The following CTSC variants were observed in gnomAD, a reference collection of about 807,000 sequenced individuals.
CTSC encodes dipeptidyl peptidase 1.
A neutral mutation model predicts 40.9 loss-of-function variants in CTSC; 37 were observed. That is an observed-to-expected ratio of 0.91 (90% CI 0.70 to 1.19). The LOEUF is 1.19. Among genes scored for constraint, CTSC ranks in the 50% most tolerant of loss-of-function variants. CTSC has a pLI of 0.00. For missense variants in CTSC, 594 were observed against 567.3 expected (o/e 1.05, Z -0.48); for synonymous variants, 232 against 207.4 (o/e 1.12, Z -1.02).
At chr11:88,325,254 T>A in intron 2 of CTSC, 1 of 985,376 alleles carries the variant, frequency 1.0e-6, no homozygotes, top group Non-Finnish European at 1.2e-6. Context: ...TTCTACCAAT[T>A]TCCAAACTAC....
chr11:88,330,179 G>A (rs891816517), intron 2 of CTSC, among the ~76,000 whole-genome samples: 1 of 152,150 alleles, frequency 6.6e-6, no homozygotes, highest in Non-Finnish European at 1.5e-5. Context: ...GAATTTGAAT[G>A]CCTCTAAGAC....
chr11:88,307,556 CTTTTTTTTTTTT>C (rs5793311), intron 4 of CTSC, among the ~76,000 whole-genome samples: 1 of 73,490 alleles, frequency 1.4e-5, no homozygotes, highest in African/African-American at 5.7e-5. Context: ...ATACTGATAA[CTTTTTTTTTTTT>C]TTTTTTTTTT....
Position 88,294,273 on chromosome 11 carries a change from T to C in CTSC, c.1125A>G (p.Glu375=), listed in dbSNP as rs370050417. The change falls in exon 7 of 7, where the codon GAA becomes GAG. Residue 375 remains glutamate (E), a synonymous_variant. Transcript: ENST00000227266. ...TGTAGTGGAGGAAGTCATCATATACTTCAAAAGCAACTGCCATGGGCCCAT... is the reference window on the plus strand; with the variant it reads ...TGTAGTGGAGGAAGTCATCATATACCTCAAAAGCAACTGCCATGGGCCCAT... ...VHHGPMAVAF[E]VYDDFLHYKK... The C allele has an allele frequency of 6.8e-6, 11 of 1,613,980 alleles. No homozygotes were observed. Among genetic ancestry groups the C allele is most frequent in the Middle Eastern group, 1.6e-4 (1 of 6,082 alleles).
At position 88,337,618 on chromosome 11, in the gene CTSC, C is replaced by CGCCGGAGAGAAGCAGCAGGAGG; in HGVS notation, c.33_54dup (p.Asp19ProfsTer23). The CGCCGGAGAGAAGCAGCAGGAGG allele has an allele frequency of 6.3e-7, 1 of 1,582,406 alleles. No homozygotes were observed. Among genetic ancestry groups the CGCCGGAGAGAAGCAGCAGGAGG allele is most frequent in the Non-Finnish European group, 8.6e-7 (1 of 1,163,716 alleles). On this transcript the variant is annotated frameshift_variant, in exon 1 of 7. Coordinates refer to ENST00000227266, the MANE Select transcript of CTSC (RefSeq NM_001814.6). LOFTEE classifies it high-confidence loss of function. ...GGTGTGTCGCAGCGCACGGCGCCGT[C>CGCCGGAGAGAAGCAGCAGGAGG]GCCGGAGAGAAGCAGCAGGAGGGCG... is the stretch of plus-strand genomic sequence containing the variant.
Position 88,293,977 on chromosome 11 carries a change from G to C in CTSC, c.*29C>G. 1 of 1,612,050 alleles carries C rather than the reference G, an allele frequency of 6.2e-7. No homozygotes were observed. Among genetic ancestry groups the C allele is most frequent in the Non-Finnish European group, 8.5e-7 (1 of 1,179,322 alleles). The stretch of plus-strand genomic sequence containing the variant: ...CCAATTCCCCTTTACAACTGATGCA[G>C]ATCATTATGAAATACTGGAAGGCAT... On this transcript the variant is annotated 3_prime_UTR_variant, in exon 7 of 7. Transcript: ENST00000227266.
chr11:88,319,747 A>G (rs1937955565), intron 2 of CTSC, among the ~76,000 whole-genome samples: 1 of 152,162 alleles, frequency 6.6e-6, no homozygotes, highest in Non-Finnish European at 1.5e-5. Flanking sequence ...TAATTTTCAA[A>G]ATGTACCTAT....
intron 1 of CTSC, among the ~76,000 whole-genome samples, 165 bp downstream of exon 1, chr11:88,337,336 C>T (rs1417087747): frequency 6.6e-6 from 1 of 152,156 alleles, no homozygotes; most frequent in Non-Finnish European, 1.5e-5. Flanking sequence ...TTTAACTTCG[C>T]GAGCCTGGCG....
Position 88,294,007 on chromosome 11 carries a change from T to TAC in CTSC, c.1389_1390dup (p.Ter464CysfsTer16). The TAC allele has an allele frequency of 1.9e-6, 3 of 1,613,984 alleles. No homozygotes were observed. Among genetic ancestry groups the TAC allele is most frequent in the Non-Finnish European group, 2.5e-6 (3 of 1,179,980 alleles). ...TTATGAAATACTGGAAGGCATACCC[T>TAC]ACAATTTAGGAATTGGTGTGGCTGC... On this transcript the variant is annotated frameshift_variant and stop_lost, in exon 7 of 7. Coordinates refer to ENST00000227266, the MANE Select transcript of CTSC (RefSeq NM_001814.6). LOFTEE classifies it high-confidence loss of function.
At chr11:88,327,552 G>GTA (rs1248698344) in intron 2 of CTSC, among the ~76,000 whole-genome samples, 1 of 152,182 alleles carries the variant, frequency 6.6e-6, no homozygotes, top group Non-Finnish European at 1.5e-5. Flanking sequence ...AATGTAAAGA[G>GTA]TGAATAAGAT....
At chr11:88,309,106 G>T (rs1038622425) in intron 4 of CTSC, 57 bp downstream of exon 4, 2 of 1,495,544 alleles carry the variant, frequency 1.3e-6, no homozygotes, top group African/African-American at 2.8e-5. Context: ...TGCTTAGGAG[G>T]GAGGATGGTA....
intron 2 of CTSC, among the ~76,000 whole-genome samples, chr11:88,328,721 G>A (rs113829498): frequency 0.045 from 6,911 of 152,140 alleles, 204 homozygotes; most frequent in East Asian, 0.1. Context: ...TCCACCTCCC[G>A]GGTTCAAGCG....
Position 88,296,020 on chromosome 11 carries a change from C to T in CTSC, c.889+113G>A, listed in dbSNP as rs182684390. Reference sequence around the variant, plus strand: ...AGGGCCAGACTTGCACTCAGATTTTCTGACTATAGACACTGCGCTCTCTCT... The same window carrying T: ...AGGGCCAGACTTGCACTCAGATTTTTTGACTATAGACACTGCGCTCTCTCT... On this transcript the variant is annotated intron_variant, in intron 6 of 6. Transcript: ENST00000227266. The T allele has an allele frequency of 1.7e-5, 19 of 1,141,854 alleles. No homozygotes were observed. In the Admixed American group the frequency reaches 2.5e-4, roughly 15 times the overall value. The allele number at this position is 1,141,854 out of a possible 1,614,324, so 70.7% of individuals were successfully genotyped here. A position where few individuals can be genotyped will look rare whatever the true frequency, so the allele number is the denominator to read the frequency against.
At chr11:88,333,365 T>C (rs1475677260) in intron 2 of CTSC, among the ~76,000 whole-genome samples, 1 of 152,238 alleles carries the variant, frequency 6.6e-6, no homozygotes, top group Non-Finnish European at 1.5e-5. Flanking sequence ...TCATTCATTT[T>C]TTTTGTAATA....
intron 2 of CTSC, among the ~76,000 whole-genome samples, chr11:88,314,238 T>C (rs796903754): frequency 1.1e-4 from 16 of 152,338 alleles, no homozygotes; most frequent in African/African-American, 3.8e-4. Context: ...ATGAATGAGC[T>C]AGGCTGTGTT....
In CTSC at chr11:88,324,789, G is replaced by A. The variant is rs568748185; in HGVS notation, c.318+10148C>T. The A allele has an allele frequency of 4.4e-5, 43 of 985,306 alleles. No homozygotes were observed. In the South Asian group the frequency reaches 1.3e-3, roughly 30 times the overall value. The allele number at this position is 985,306 out of a possible 1,614,324, so 61.0% of individuals were successfully genotyped here. A position where few individuals can be genotyped will look rare whatever the true frequency, so the allele number is the denominator to read the frequency against. ...GCTGGGGAGGGTTTCAGAGAGCAGC[G>A]TCATCAAGGTCCTGAGTGATAAAGA... On this transcript the variant is annotated intron_variant, in intron 2 of 6. Coordinates refer to ENST00000227266, the MANE Select transcript of CTSC (RefSeq NM_001814.6).
At chr11:88,336,981 G>A (rs1164312430) in intron 1 of CTSC, among the ~76,000 whole-genome samples, 3 of 152,172 alleles carry the variant, frequency 2.0e-5, no homozygotes, top group Admixed American at 1.3e-4. Flanking sequence ...AAACAATGCA[G>A]AGTGGTACTA....
Position 88,314,550 on chromosome 11 carries a change from CAG to C in CTSC, c.319-1998_319-1997del, listed in dbSNP as rs1235054526. On this transcript the variant is annotated intron_variant, in intron 2 of 6. Coordinates refer to ENST00000227266, the MANE Select transcript of CTSC (RefSeq NM_001814.6). Reference sequence around the variant, plus strand: ...TTCATGATATTCTCTTTTTTTCAGACAGAGTCTCACTCTGTTGCCCAGGCTGG... The same window carrying C: ...TTCATGATATTCTCTTTTTTTCAGACAGTCTCACTCTGTTGCCCAGGCTGG... 2.6e-5 allele frequency among the ~76,000 whole-genome samples: 4 copies of C among 152,186 alleles called. No individual in the cohort carries two copies. In the South Asian group the frequency reaches 6.2e-4, roughly 24 times the overall value.
intron 2 of CTSC, among the ~76,000 whole-genome samples, chr11:88,327,314 G>A (rs1938219516): frequency 6.6e-6 from 1 of 152,244 alleles, no homozygotes; most frequent in Non-Finnish European, 1.5e-5. Flanking sequence ...TAAACCTATG[G>A]TGCTTTCAAT....
Position 88,309,058 on chromosome 11 carries a change from G to A in CTSC, c.641+105C>T, listed in dbSNP as rs1440661846. The A allele has an allele frequency of 6.3e-6, 6 of 951,822 alleles. No individual in the cohort carries two copies. The Admixed American group carries it at 1.2e-4, about 19-fold the overall frequency. 59.0% of individuals were successfully genotyped at this position (951,822 alleles called of 1,614,324 possible). The stretch of plus-strand genomic sequence containing the variant: ...ACAGATCACATAAAAAGTTACAACT[G>A]GGATGACCAATAAAATGGCGAGCAA... On this transcript the variant is annotated intron_variant, in intron 4 of 6. Transcript: ENST00000227266.
Sources: allele counts gnomAD v4.1 joint callset (sites outside exome capture counted in the v4.1 genomes callset), GRCh38; gene constraint gnomAD v4.1.1; transcripts MANE v1.5; gene names NCBI Gene and HGNC (gene_info 2026-07-23, HGNC 2026-07-21).